Variants in PELI2 observed in about 807,000 individuals in gnomAD.
The protein encoded by PELI2 is E3 ubiquitin-protein ligase pellino homolog 2.
PELI2 carries 23 observed loss-of-function variants against 42.3 expected under a neutral mutation model. The ratio of observed to expected loss-of-function variants is 0.54; its 90% CI spans 0.39 to 0.77. The LOEUF is 0.77. Among genes scored for constraint, PELI2 ranks in the 30% least tolerant of loss-of-function variants. PELI2 has a pLI of 0.00. For missense variants in PELI2, 463 were observed against 553.2 expected (o/e 0.84, Z 1.64); for synonymous variants, 245 against 212.2 (o/e 1.15, Z -1.34).
At chr14:56,243,085 A>G (rs1313870908) in intron 2 of PELI2, among the ~76,000 whole-genome samples, 1 of 151,818 alleles carries the variant, frequency 6.6e-6, no homozygotes, top group African/African-American at 2.4e-5. Context: ...ATTTCCAGAT[A>G]TTTGCGAGTT....
intron 1 of PELI2, among the ~76,000 whole-genome samples, chr14:56,131,809 G>A (rs547609476): frequency 2.0e-5 from 3 of 152,128 alleles, no homozygotes; most frequent in Non-Finnish European, 4.4e-5. Flanking sequence ...AATCTTGTCC[G>A]GGATAATAAA....
chr14:56,158,648 C>A lies in PELI2; in HGVS notation c.78-19687C>A, dbSNP rs556048772. On this transcript the variant is annotated intron_variant, in intron 1 of 5. Coordinates refer to ENST00000267460, the MANE Select transcript of PELI2 (RefSeq NM_021255.3). ...GGGACTACAGGTGTGAGCCACCACA[C>A]CTGGCCGAGATTATTTTTTAAGAGA... is the stretch of plus-strand genomic sequence containing the variant. Among the ~76,000 whole-genome samples the A allele has an allele frequency of 2.0e-5, 3 of 152,320 alleles. No individual in the cohort carries two copies. The East Asian group carries it at 5.8e-4, about 29-fold the overall frequency.
intron 1 of PELI2, among the ~76,000 whole-genome samples, chr14:56,136,240 A>C (rs1055854625): frequency 5.9e-5 from 9 of 152,084 alleles, no homozygotes; most frequent in Non-Finnish European, 7.4e-5. Context: ...GTTTTTGAGT[A>C]TTTTCAAGGG....
chr14:56,120,831 G>GAAGT (rs1883034675), intron 1 of PELI2, among the ~76,000 whole-genome samples: 1 of 152,188 alleles, frequency 6.6e-6, no homozygotes, highest in Non-Finnish European at 1.5e-5. Flanking sequence ...GAAGGTGAGG[G>GAAGT]AAGTTCTCTC....
rs143867394 is a variant in PELI2, at chr14:56,273,311, G to A, written c.208-6365G>A. 2.0e-5 allele frequency among the ~76,000 whole-genome samples: 3 copies of A among 152,326 alleles called. No individual in the cohort carries two copies. Among genetic ancestry groups the A allele is most frequent in the Non-Finnish European group, 2.9e-5 (2 of 68,024 alleles). ...TTGCCCACAGCTGGGAACCCCCAGA[G>A]CGGCAAATGGAAGCTGCAAGCCTTT... On this transcript the variant is annotated intron_variant, in intron 2 of 5. Coordinates refer to ENST00000267460, the MANE Select transcript of PELI2 (RefSeq NM_021255.3). This position sits in a 1 kb window ranked among gnomAD's most constrained non-coding sequence, Gnocchi z 4.3.
rs1005920667 is a variant in PELI2 at position 56,271,549 on chromosome 14, C to T, written c.208-8127C>T. Among the ~76,000 whole-genome samples, 18 of 151,984 alleles carry T rather than the reference C, an allele frequency of 1.2e-4. 1 individual carries two copies. Among genetic ancestry groups the T allele is most frequent in the Admixed American group, 1.1e-3 (17 of 15,252 alleles). Reference sequence around the variant, plus strand: ...ATAGTGGACTGAAATATTAAATTACCAATTAGATTTAACAGTTAAAGTGGC... The same window carrying T: ...ATAGTGGACTGAAATATTAAATTACTAATTAGATTTAACAGTTAAAGTGGC... On this transcript the variant is annotated intron_variant, in intron 2 of 5. Coordinates refer to ENST00000267460, the MANE Select transcript of PELI2 (RefSeq NM_021255.3).
intron 1 of PELI2, among the ~76,000 whole-genome samples, chr14:56,163,026 T>G (rs983538184): frequency 3.0e-4 from 46 of 152,192 alleles, no homozygotes; most frequent in African/African-American, 1.1e-3. Context: ...AAATATTTTC[T>G]CCCATTCTGT....
rs1889193615 is a variant in PELI2 at position 56,273,902 on chromosome 14, T to A, written c.208-5774T>A. 6.6e-6 allele frequency among the ~76,000 whole-genome samples: 1 copy of A among 152,206 alleles called. No homozygotes were observed. On this transcript the variant is annotated intron_variant, in intron 2 of 5. Coordinates refer to ENST00000267460, the MANE Select transcript of PELI2 (RefSeq NM_021255.3). The surrounding 1 kb of genome is among the most constrained non-coding windows in gnomAD (Gnocchi z 4.3). ...GGGGACAGGTAGTTCCACGTTTGAT[T>A]CAGCATCTCAAAGATGTCAGGGCTC...
intron 2 of PELI2, among the ~76,000 whole-genome samples, chr14:56,201,610 C>G (rs1023934430): frequency 2.6e-5 from 4 of 152,168 alleles, no homozygotes; most frequent in African/African-American, 9.7e-5. Context: ...CAAACTCCAC[C>G]TGAAACCATT....
At chr14:56,128,485 C>A (rs562435696) in intron 1 of PELI2, among the ~76,000 whole-genome samples, 1 of 152,160 alleles carries the variant, frequency 6.6e-6, no homozygotes, top group East Asian at 1.9e-4. Context: ...CCTTGTGGCT[C>A]TCTTGCTTGA....
intron 2 of PELI2, among the ~76,000 whole-genome samples, chr14:56,230,569 G>A (rs932349113): frequency 1.3e-5 from 2 of 152,094 alleles, no homozygotes; most frequent in African/African-American, 2.4e-5. Context: ...TTGTGACCAC[G>A]AGGCCTGCCT....
rs192133823 is a variant in PELI2 at position 56,231,199 on chromosome 14, C to T, written c.208-48477C>T. On this transcript the variant is annotated intron_variant, in intron 2 of 5. Transcript: ENST00000267460. ...CCACTGTCAACATTAGACAGATCAA[C>T]GAGACAGAAAGTTAACAAGGATATC... Among the ~76,000 whole-genome samples the T allele has an allele frequency of 6.2e-3, 946 of 152,196 alleles. 6 individuals carry two copies. Among genetic ancestry groups the T allele is most frequent in the Non-Finnish European group, 9.7e-3 (663 of 68,006 alleles).
intron 2 of PELI2, among the ~76,000 whole-genome samples, chr14:56,206,130 A>G (rs1886511360): frequency 1.3e-5 from 2 of 152,190 alleles, no homozygotes; most frequent in Admixed American, 1.3e-4. Context: ...GAGTATTTGC[A>G]GTAGGAAGGT....
At chr14:56,167,100 C>G (rs532717405) in intron 1 of PELI2, among the ~76,000 whole-genome samples, 1 of 152,230 alleles carries the variant, frequency 6.6e-6, no homozygotes, top group African/African-American at 2.4e-5. Context: ...AGGATCCTTT[C>G]TTTGTTCTTG....
At chr14:56,296,173 G>A (rs545936502) in intron 5 of PELI2, among the ~76,000 whole-genome samples, 3 of 152,300 alleles carry the variant, frequency 2.0e-5, no homozygotes, top group East Asian at 3.9e-4. Flanking sequence ...CAGGCCCCCC[G>A]CAAGATCTTC....
chr14:56,234,035 T>C (rs1395204300), intron 2 of PELI2, among the ~76,000 whole-genome samples: 1 of 152,084 alleles, frequency 6.6e-6, no homozygotes, highest in African/African-American at 2.4e-5. Flanking sequence ...GAAATGCAAA[T>C]CAAAACTACA....
At chr14:56,139,589 T>C (rs242422) in intron 1 of PELI2, among the ~76,000 whole-genome samples, 90,154 of 151,942 alleles carry the variant, frequency 0.59, 27,401 homozygotes, top group African/African-American at 0.73. Flanking sequence ...TTACTTTTGT[T>C]AAGTACCTGA....
chr14:56,271,803 A>AAC (rs1185738775), intron 2 of PELI2, among the ~76,000 whole-genome samples: 1 of 152,192 alleles, frequency 6.6e-6, no homozygotes, highest in East Asian at 1.9e-4. Flanking sequence ...GCAGGCTGTT[A>AAC]GAGAACCTCT....
chr14:56,124,311 A>G (rs242386), intron 1 of PELI2, among the ~76,000 whole-genome samples: 18,879 of 152,144 alleles, frequency 0.12, 2,114 homozygotes, highest in African/African-American at 0.3. Context: ...TGATTCAGAT[A>G]TGTCATGTTA....
Sources: allele counts gnomAD v4.1 joint callset (sites outside exome capture counted in the v4.1 genomes callset), GRCh38; gene constraint gnomAD v4.1.1; non-coding constraint Gnocchi (gnomAD v3.1); transcripts MANE v1.5; gene names NCBI Gene and HGNC (gene_info 2026-07-23, HGNC 2026-07-21).